PHLPP2: variants seen among roughly 807,000 people sequenced by gnomAD.
The protein encoded by PHLPP2 is PH domain and leucine rich repeat protein phosphatase 2.
PHLPP2 carries 66 observed loss-of-function variants against 124.9 expected under a neutral mutation model. The ratio of observed to expected loss-of-function variants is 0.53; its 90% CI spans 0.43 to 0.65. The LOEUF (loss-of-function observed/expected upper bound fraction) is 0.65. Ranked by LOEUF, PHLPP2 falls within the 30% of genes least tolerant of loss-of-function variation. The pLI is 0.00. For synonymous variants in PHLPP2, 681 were observed against 624.7 expected (o/e 1.09, Z -1.34); for missense variants, 1,685 against 1,600.4 (o/e 1.05, Z -0.90).
intron 4 of PHLPP2, among the ~76,000 whole-genome samples, chr16:71,685,587 A>C (rs183501997): frequency 3.0e-3 from 451 of 152,370 alleles, no homozygotes; most frequent in Admixed American, 4.6e-3. Flanking sequence ...AATAATTTTC[A>C]CAATATTAAA....
intron 1 of PHLPP2, chr16:71,723,894 C>A: frequency 1.0e-6 from 1 of 967,244 alleles, no homozygotes; most frequent in Non-Finnish European, 1.3e-6. Context: ...ACAGAGACGC[C>A]CGGCCCGCGC....
At chr16:71,651,209 A>G (rs200726837) in intron 18 of PHLPP2, among the ~76,000 whole-genome samples, 1 of 152,152 alleles carries the variant, frequency 6.6e-6, no homozygotes, top group South Asian at 2.1e-4. Context: ...ATAGTGGCGC[A>G]TGCCTATAGT....
intron 1 of PHLPP2, chr16:71,723,823 C>A (rs757568852): frequency 7.9e-7 from 1 of 1,259,612 alleles, no homozygotes; most frequent in South Asian, 2.3e-5. Flanking sequence ...CGGGCGGCTC[C>A]GGGGGCTCCA....
In PHLPP2 at chr16:71,653,024, G is replaced by A; in HGVS notation, c.2586-3C>T. ...TCTGGCCAGCCATTCCTAATTTCCT[G>A]TTCAGAAAGAAAAGGAAAAGAAGAC... On this transcript the variant is annotated splice_region_variant and splice_polypyrimidine_tract_variant and intron_variant, in intron 17 of 18. Coordinates refer to ENST00000568954, the MANE Select transcript of PHLPP2 (RefSeq NM_015020.3). The A allele has an allele frequency of 6.3e-7, 1 of 1,599,370 alleles. No homozygotes were observed. The highest frequency in any genetic ancestry group is 8.5e-7 in the Non-Finnish European group (1 of 1,169,936).
At chr16:71,723,949 CCCGCCCCCCGCGGCCCGCCGGCT>C (rs1329438278) in intron 1 of PHLPP2, 2 of 390,280 alleles carry the variant, frequency 5.1e-6, no homozygotes, top group South Asian at 1.0e-4. Context: ...AACCGGTGGC[CCCGCCCCCCGCGGCCCGCCGGCT>C]CCGCCCCTCC....
chr16:71,695,887 G>C (rs1345252437), intron 3 of PHLPP2, among the ~76,000 whole-genome samples: 1 of 152,048 alleles, frequency 6.6e-6, no homozygotes, highest in Non-Finnish European at 1.5e-5. Context: ...AAATAATCAA[G>C]TTGGAAAATT....
At chr16:71,679,630 A>G in intron 6 of PHLPP2, 95 bp from the exon 7 acceptor site, 2 of 1,002,148 alleles carry the variant, frequency 2.0e-6, no homozygotes, top group Admixed American at 2.2e-5. Context: ...TCTATTTTAA[A>G]TGTCTATAAT....
At position 71,696,332 on chromosome 16, in the gene PHLPP2, T is replaced by C. The variant is rs144875195; in HGVS notation, c.419-5623A>G. Among the ~76,000 whole-genome samples, 380 of 152,266 alleles carry C rather than the reference T, an allele frequency of 2.5e-3. 1 individual carries two copies. The highest frequency in any genetic ancestry group is 0.024 in the Middle Eastern group (7 of 294). ...AACACCTATTTGTGCAACTTGGGAA[T>C]GCTCAGTCAAAATTTTAAATGTGGC... On this transcript the variant is annotated intron_variant, in intron 3 of 18. Coordinates refer to ENST00000568954, the MANE Select transcript of PHLPP2 (RefSeq NM_015020.3).
At chr16:71,713,399 G>A (rs190777168) in intron 2 of PHLPP2, among the ~76,000 whole-genome samples, 18 of 152,228 alleles carry the variant, frequency 1.2e-4, no homozygotes, top group African/African-American at 4.1e-4. Context: ...TAACCTCTAT[G>A]AAGAAGAATT....
At chr16:71,712,725 T>A (rs1325163229) in intron 2 of PHLPP2, among the ~76,000 whole-genome samples, 1 of 152,176 alleles carries the variant, frequency 6.6e-6, no homozygotes, top group Non-Finnish European at 1.5e-5. Flanking sequence ...TTAGTCCAAA[T>A]CCTAAAAGGA....
chr16:71,670,516 G>C (rs371408173), intron 10 of PHLPP2, among the ~76,000 whole-genome samples: 1 of 152,156 alleles, frequency 6.6e-6, no homozygotes, highest in Non-Finnish European at 1.5e-5. Flanking sequence ...CTGTTAGAGG[G>C]ATAAGCAGAT....
intron 2 of PHLPP2, among the ~76,000 whole-genome samples, chr16:71,708,751 A>C (rs965819255): frequency 5.3e-5 from 8 of 152,034 alleles, no homozygotes; most frequent in Admixed American, 3.9e-4. Context: ...GTGCCACTAC[A>C]CTCCAGCTTG....
intron 17 of PHLPP2, among the ~76,000 whole-genome samples, chr16:71,654,275 T>C (rs1392039010): frequency 6.6e-6 from 1 of 151,320 alleles, no homozygotes; most frequent in African/African-American, 2.4e-5. Context: ...ATTATACAAG[T>C]TGACAAACAA....
At chr16:71,652,131 C>T (rs1567611278) in intron 18 of PHLPP2, among the ~76,000 whole-genome samples, 1 of 152,198 alleles carries the variant, frequency 6.6e-6, no homozygotes, top group Non-Finnish European at 1.5e-5. Flanking sequence ...AAACAGGTAT[C>T]TGATAAAGAA....
chr16:71,670,012 C>T (rs1006661645), intron 10 of PHLPP2, among the ~76,000 whole-genome samples: 1 of 152,108 alleles, frequency 6.6e-6, no homozygotes, highest in Non-Finnish European at 1.5e-5. Context: ...ATTGCTATAC[C>T]TTAGTGAAGG....
intron 2 of PHLPP2, among the ~76,000 whole-genome samples, chr16:71,710,972 T>C (rs1206033513): frequency 6.6e-6 from 1 of 152,198 alleles, no homozygotes; most frequent in African/African-American, 2.4e-5. Flanking sequence ...AGTATATCCA[T>C]ACAGAGGAAT....
At chr16:71,718,754 T>C (rs963958740) in intron 1 of PHLPP2, among the ~76,000 whole-genome samples, 1 of 152,228 alleles carries the variant, frequency 6.6e-6, no homozygotes, top group Middle Eastern at 3.4e-3. Flanking sequence ...ATATACACGC[T>C]GTTGGTCATC....
At chr16:71,673,700 T>C (rs1395689656) in intron 9 of PHLPP2, among the ~76,000 whole-genome samples, 1 of 151,750 alleles carries the variant, frequency 6.6e-6, no homozygotes, top group Non-Finnish European at 1.5e-5. Context: ...TTACAAAGAG[T>C]AAATATTTAG....
Position 71,652,931 on chromosome 16 carries a change from G to A in PHLPP2, c.2676C>T (p.Ser892=). 6.2e-7 allele frequency: 1 copy of A among 1,614,112 alleles called. No individual in the cohort carries two copies. The highest frequency in any genetic ancestry group is 8.5e-7 in the Non-Finnish European group (1 of 1,180,000). Residue 892 remains serine, a synonymous_variant, in exon 18 of 19, where the codon AGC becomes AGT. Coordinates refer to ENST00000568954, the MANE Select transcript of PHLPP2 (RefSeq NM_015020.3). ...ACGTGCCAACATTGGCTACAGTCAA[G>A]CTAAAGCTACTTGCTGGATCGGCAG... ...PDTADPASSF[S]LTVANVGTCQ...
Sources: allele counts gnomAD v4.1 joint callset (sites outside exome capture counted in the v4.1 genomes callset), GRCh38; gene constraint gnomAD v4.1.1; transcripts MANE v1.5; gene names NCBI Gene and HGNC (gene_info 2026-07-23, HGNC 2026-07-21).